ELN: variants seen among roughly 807,000 people sequenced by gnomAD.
ELN encodes elastin.
A neutral mutation model predicts 105.8 loss-of-function variants in ELN; 65 were observed. That is an observed-to-expected ratio of 0.61 (90% CI 0.50 to 0.75). The LOEUF (loss-of-function observed/expected upper bound fraction) is 0.75, where lower values mean the gene tolerates loss of function less well. Among genes scored for constraint, ELN ranks in the 30% least tolerant of loss-of-function variants. The pLI, the probability that ELN is intolerant of heterozygous loss-of-function variation, is 0.00. For synonymous variants in ELN, 368 were observed against 389.2 expected, an observed-to-expected ratio of 0.95 and a Z score of 0.64; for missense variants, 882 against 969.4, an observed-to-expected ratio of 0.91 and a Z score of 1.20.
At chr7:74,033,868 C>A (rs890837738) in intron 1 of ELN, among the ~76,000 whole-genome samples, 2 of 152,168 alleles carry the variant, frequency 1.3e-5, no homozygotes, top group African/African-American at 4.8e-5. Flanking sequence ...GGGGCGTTGG[C>A]AAGGTGGCTT....
chr7:74,029,125 T>C (rs1374592236), intron 1 of ELN, among the ~76,000 whole-genome samples: 2 of 152,150 alleles, frequency 1.3e-5, no homozygotes, highest in Non-Finnish European at 2.9e-5. Context: ...CATGTACACA[T>C]GTAGACATGG....
chr7:74,064,963 G>A (rs918830243), intron 29 of ELN, among the ~76,000 whole-genome samples: 24 of 152,136 alleles, frequency 1.6e-4, no homozygotes, highest in East Asian at 3.9e-4. Flanking sequence ...TTTTGGGGCC[G>A]GGCATGGTGG....
intron 8 of ELN, chr7:74,043,560 CT>C (rs1554670193): frequency 1.5e-6 from 1 of 654,208 alleles, no homozygotes. Flanking sequence ...TAGGAAGTGA[CT>C]TCAGGTTAAA....
In ELN at chr7:74,045,862, C is replaced by T. The variant is rs556334484; in HGVS notation, c.542-326C>T. 5.8e-5 allele frequency: 22 copies of T among 377,928 alleles called. No homozygotes were observed. In the East Asian group the frequency reaches 1.1e-3, roughly 19 times the overall value. 23.4% of individuals were successfully genotyped at this position (377,928 alleles called of 1,614,324 possible). On this transcript the variant is annotated intron_variant, in intron 10 of 32. Transcript: ENST00000252034. ...TCAGCCTGACCAACACGGTGAAGCC[C>T]TGTCTCTACTAATAATACAAAAATT...
In ELN at chr7:74,068,945, C is replaced by T. The variant is rs1584079978; in HGVS notation, c.*245C>T. 1.8e-6 allele frequency: 1 copy of T among 568,234 alleles called. No individual in the cohort carries two copies. Among genetic ancestry groups the T allele is most frequent in the South Asian group, 2.0e-5 (1 of 50,258 alleles). The allele number at this position is 568,234 out of a possible 1,614,324, so 35.2% of individuals were successfully genotyped here. The stretch of plus-strand genomic sequence containing the variant: ...TGTGGTCCTGGCCCCCCACCCCATC[C>T]CTTCCCACCTAGGAGCTCCCCCTCC... On this transcript the variant is annotated 3_prime_UTR_variant, in exon 33 of 33. Coordinates refer to ENST00000252034, the MANE Select transcript of ELN (RefSeq NM_000501.4).
intron 32 of ELN, among the ~76,000 whole-genome samples, chr7:74,067,159 G>A (rs1193695343): frequency 3.3e-5 from 5 of 152,028 alleles, no homozygotes; most frequent in East Asian, 2.0e-4. Flanking sequence ...GGTGGCTCAC[G>A]CCTGTAATCC....
chr7:74,042,434 A>C (rs1156823131), intron 5 of ELN, among the ~76,000 whole-genome samples, 180 bp from the exon 6 acceptor site: 1 of 151,988 alleles, frequency 6.6e-6, no homozygotes. Flanking sequence ...TGTCAAAAAA[A>C]AAAAAATCCA....
At chr7:74,064,291 T>C (rs1215367398) in intron 29 of ELN, among the ~76,000 whole-genome samples, 5 of 151,698 alleles carry the variant, frequency 3.3e-5, no homozygotes, top group Admixed American at 3.3e-4. Context: ...GGCAGACGCC[T>C]GTAGTCCCAG....
intron 31 of ELN, among the ~76,000 whole-genome samples, chr7:74,066,498 C>T (rs1275588752): frequency 2.0e-5 from 3 of 151,938 alleles, no homozygotes; most frequent in African/African-American, 4.8e-5. Context: ...GCCTGGGAAG[C>T]GGAGGTTGCA....
intron 19 of ELN, 91 bp from the exon 20 acceptor site, chr7:74,056,180 C>T: frequency 6.5e-7 from 1 of 1,540,456 alleles, no homozygotes; most frequent in Admixed American, 1.7e-5. Context: ...GGGAAATTTA[C>T]ATCCTCTTTC....
rs1554683304 is a variant in ELN at position 74,060,161 on chromosome 7, A to T, written c.1598A>T (p.Lys533Met). 1.2e-6 allele frequency: 2 copies of T among 1,614,120 alleles called. No individual in the cohort carries two copies. The highest frequency in any genetic ancestry group is 4.5e-5 in the East Asian group (2 of 44,884). Residue 533 changes from lysine (K) to methionine (M), a missense_variant, in exon 24 of 33, where the codon AAG becomes ATG. By Grantham distance (95) the Lys-to-Met change is moderately conservative. Transcript: ENST00000252034. ...TCAGCTGCAGCAAAATCCGCTGCCA[A>T]GGTGGCTGCCAAAGCCCAGCTCCGT... ...GVAAAAKSAA[K>M]VAAKAQLRAA...
At chr7:74,057,000 G>A (rs373469794) in intron 21 of ELN, among the ~76,000 whole-genome samples, 2 of 152,200 alleles carry the variant, frequency 1.3e-5, no homozygotes, top group South Asian at 2.1e-4. Flanking sequence ...CACTTTGGGA[G>A]GCCAAGGCAG....
chr7:74,037,240 C>T (rs1208284817), intron 3 of ELN, among the ~76,000 whole-genome samples: 1 of 151,462 alleles, frequency 6.6e-6, no homozygotes, highest in Admixed American at 6.6e-5. Flanking sequence ...GTCACCCAGG[C>T]TGGAGTGCAG....
At position 74,042,969 on chromosome 7, in the gene ELN, G is replaced by C; in HGVS notation, c.326-15G>C. 6.2e-7 allele frequency: 1 copy of C among 1,614,100 alleles called. No individual in the cohort carries two copies. Among genetic ancestry groups the C allele is most frequent in the South Asian group, 1.1e-5 (1 of 91,076 alleles). On this transcript the variant is annotated splice_polypyrimidine_tract_variant and intron_variant, in intron 6 of 32. Coordinates refer to ENST00000252034, the MANE Select transcript of ELN (RefSeq NM_000501.4). ...CTGTTCCTTACGCAATGCCTCACCTGTCCTGGCTCTGCAGGCGCTGGGCTT... is the reference window on the plus strand; with the variant it reads ...CTGTTCCTTACGCAATGCCTCACCTCTCCTGGCTCTGCAGGCGCTGGGCTT...
Position 74,065,117 on chromosome 7 carries a change from T to C in ELN, c.1994-577T>C, listed in dbSNP as rs144338389. Among the ~76,000 whole-genome samples the C allele has an allele frequency of 1.8e-3, 274 of 151,998 alleles. 1 individual carries two copies. The highest frequency in any genetic ancestry group is 6.5e-3 in the African/African-American group (270 of 41,478). ...ATATTTAAAAATTAGCTGGGCGTGG[T>C]GTGTGCCTGTAGTTTCAGCTACTTG... On this transcript the variant is annotated intron_variant, in intron 29 of 32. Coordinates refer to ENST00000252034, the MANE Select transcript of ELN (RefSeq NM_000501.4).
At chr7:74,054,848 C>G in intron 19 of ELN, 79 bp downstream of exon 19, 2 of 1,517,732 alleles carry the variant, frequency 1.3e-6, no homozygotes, top group Non-Finnish European at 1.8e-6. Context: ...CCTCTACTTG[C>G]CCAGAGAAGG....
intron 9 of ELN, among the ~76,000 whole-genome samples, chr7:74,044,249 G>T (rs1554670573): frequency 1.3e-5 from 2 of 149,610 alleles, no homozygotes; most frequent in Admixed American, 6.6e-5. Flanking sequence ...TCAAAACAAA[G>T]AAAAAGAAAA....
intron 2 of ELN, 90 bp downstream of exon 2, chr7:74,035,504 G>C: frequency 6.7e-7 from 1 of 1,500,988 alleles, no homozygotes; most frequent in Non-Finnish European, 9.2e-7. Flanking sequence ...CAGAAGGTAG[G>C]AACATTGACA....
At chr7:74,068,051 G>C (rs1337506111) in intron 32 of ELN, among the ~76,000 whole-genome samples, 7 of 151,926 alleles carry the variant, frequency 4.6e-5, no homozygotes, top group African/African-American at 1.7e-4. Context: ...AGCAGGGTTA[G>C]GAACTGCTCC....
Sources: gnomAD v4.1 joint callset for allele counts (sites outside exome capture counted in the v4.1 genomes callset) on GRCh38, gnomAD v4.1.1 for gene constraint, MANE v1.5 for transcripts, NCBI Gene and HGNC (gene_info 2026-07-23, HGNC 2026-07-21) for gene names.